Variants in NBEA observed in about 807,000 individuals in gnomAD.
NBEA encodes the protein lysosomal-trafficking regulator 2.
Under a neutral mutation model 343.4 loss-of-function variants are expected in NBEA, and 44 were observed. That is an observed-to-expected ratio of 0.13 (90% CI 0.10 to 0.16). The LOEUF is 0.16. Among genes scored for constraint, NBEA ranks in the 10% least tolerant of loss-of-function variants. The pLI is 1.00. For synonymous variants in NBEA, 1,175 were observed against 1,238.7 expected, an observed-to-expected ratio of 0.95 and a Z score of 1.08; for missense variants, 2,555 against 3,631.3, an observed-to-expected ratio of 0.70 and a Z score of 7.62.
At chr13:34,976,092 T>C (rs2060164395) in intron 1 of NBEA, among the ~76,000 whole-genome samples, 1 of 152,080 alleles carries the variant, frequency 6.6e-6, no homozygotes. Context: ...CAGAGGAAAA[T>C]AAGTCATTAT....
At chr13:35,360,565 CA>C (rs1226842055) in intron 38 of NBEA, among the ~76,000 whole-genome samples, 1 of 151,902 alleles carries the variant, frequency 6.6e-6, no homozygotes, top group Non-Finnish European at 1.5e-5. Context: ...TTGAAACTAT[CA>C]AAGACTTAAA....
chr13:34,993,324 T>A (rs914486297), intron 1 of NBEA, among the ~76,000 whole-genome samples: 5 of 152,244 alleles, frequency 3.3e-5, no homozygotes, highest in Non-Finnish European at 5.9e-5. Flanking sequence ...TTTTGTAGAA[T>A]TTCTCATTGT....
intron 47 of NBEA, among the ~76,000 whole-genome samples, chr13:35,600,250 C>A (rs2081988825): frequency 6.6e-6 from 1 of 152,126 alleles, no homozygotes; most frequent in African/African-American, 2.4e-5. Flanking sequence ...AACCAAATGC[C>A]TTTTTAAACA....
intron 41 of NBEA, among the ~76,000 whole-genome samples, chr13:35,527,378 C>G (rs1041531764): frequency 2.0e-5 from 3 of 152,186 alleles, no homozygotes; most frequent in Non-Finnish European, 4.4e-5. Flanking sequence ...TGGGGTTTCA[C>G]CAGGGACTCT....
chr13:35,304,703 C>T (rs540464401), intron 35 of NBEA, among the ~76,000 whole-genome samples: 2 of 152,170 alleles, frequency 1.3e-5, no homozygotes, highest in Admixed American at 1.3e-4. Flanking sequence ...TGATTCATCA[C>T]AGAAACTCTT....
In NBEA at chr13:35,550,892, C is replaced by T. The variant is rs118151478; in HGVS notation, c.6704-38C>T. 5,355 of 1,284,272 alleles carry T rather than the reference C, an allele frequency of 4.2e-3. 15 individuals carry two copies. The highest frequency in any genetic ancestry group is 5.1e-3 in the Non-Finnish European group (4,597 of 894,122). 79.6% of individuals were successfully genotyped at this position (1,284,272 alleles called of 1,614,324 possible). On this transcript the variant is annotated intron_variant, in intron 42 of 58. Transcript: ENST00000379939. ...TAAAATTGATGGCTAACTTATCCTG[C>T]GGTTTTCTAAACTCTGTTTTTTTTC...
At chr13:34,970,030 C>A (rs986897411) in intron 1 of NBEA, among the ~76,000 whole-genome samples, 35 of 152,136 alleles carry the variant, frequency 2.3e-4, no homozygotes, top group Admixed American at 6.6e-5. Flanking sequence ...ATAAGCATTT[C>A]TTTTTCTCCA....
At chr13:35,557,811 G>A (rs9574120) in intron 44 of NBEA, among the ~76,000 whole-genome samples, 42,588 of 151,918 alleles carry the variant, frequency 0.28, 6,654 homozygotes, top group East Asian at 0.42. Context: ...TTAGCAGAGG[G>A]GAGGCATTTT....
chr13:35,637,953 A>T (rs919823898), intron 49 of NBEA, among the ~76,000 whole-genome samples: 1 of 152,204 alleles, frequency 6.6e-6, no homozygotes, highest in Non-Finnish European at 1.5e-5. Context: ...GGAAATTCTG[A>T]CACATGCTAC....
intron 14 of NBEA, among the ~76,000 whole-genome samples, chr13:35,117,700 A>G (rs546689403): frequency 6.6e-6 from 1 of 152,140 alleles, no homozygotes; most frequent in African/African-American, 2.4e-5. Context: ...GGGATGTGAC[A>G]GAAATGGACA....
intron 36 of NBEA, among the ~76,000 whole-genome samples, chr13:35,319,109 T>C (rs1002037975): frequency 2.6e-5 from 4 of 152,196 alleles, no homozygotes; most frequent in African/African-American, 9.6e-5. Context: ...CCTACAGTTC[T>C]GCTCTGATCT....
At chr13:35,585,192 C>G (rs967637719) in intron 46 of NBEA, among the ~76,000 whole-genome samples, 4 of 132,804 alleles carry the variant, frequency 3.0e-5, no homozygotes, top group Non-Finnish European at 6.2e-5. Flanking sequence ...ATCTCTCTCC[C>G]TGCACAGTCA....
intron 39 of NBEA, among the ~76,000 whole-genome samples, chr13:35,435,474 G>T (rs1253477138): frequency 6.6e-6 from 1 of 151,916 alleles, no homozygotes; most frequent in Non-Finnish European, 1.5e-5. Flanking sequence ...GTAGTTAGGG[G>T]TAATAGGGTG....
intron 58 of NBEA, among the ~76,000 whole-genome samples, chr13:35,670,599 G>T (rs7981398): frequency 6.6e-6 from 1 of 152,326 alleles, no homozygotes; most frequent in East Asian, 1.9e-4. Flanking sequence ...GGACAGGCAC[G>T]TGTGTGATTG....
chr13:35,070,229 A>G (rs760667621), intron 9 of NBEA, 124 bp downstream of exon 9: 236 of 923,194 alleles, frequency 2.6e-4, no homozygotes, highest in Non-Finnish European at 3.1e-4. Context: ...GCTTTTGCAG[A>G]TCTTTTAAGT....
chr13:34,964,720 A>G (rs1207011512), intron 1 of NBEA, among the ~76,000 whole-genome samples: 2 of 151,942 alleles, frequency 1.3e-5, no homozygotes, highest in Non-Finnish European at 2.9e-5. Flanking sequence ...CTTAAATGAC[A>G]ATGGGCCACA....
chr13:35,159,798 A>C lies in NBEA; in HGVS notation c.3627A>C (p.Lys1209Asn), dbSNP rs374002994. Residue 1209 changes from lysine to asparagine, a missense_variant, in exon 22 of 59, where the codon AAA (lysine) becomes AAC (asparagine). Physicochemically the swap from Lys to Asn is moderately conservative, Grantham distance 94. This residue lies in a region of NBEA where 367 missense variants were observed against 377.5 expected (regional missense o/e 0.97). Coordinates refer to ENST00000379939, the MANE Select transcript of NBEA (RefSeq NM_001385012.1). ...TSSIIEEKEF[K>N]IHTTSDGMSS... Reference sequence around the variant, plus strand: ...GTATAATAGAAGAAAAAGAATTCAAAATCCATACAACTTCAGATGGAATGA... The same window carrying C: ...GTATAATAGAAGAAAAAGAATTCAACATCCATACAACTTCAGATGGAATGA... 6.2e-7 allele frequency: 1 copy of C among 1,611,930 alleles called. No individual in the cohort carries two copies. Among genetic ancestry groups the C allele is most frequent in the Non-Finnish European group, 8.5e-7 (1 of 1,179,040 alleles).
intron 34 of NBEA, among the ~76,000 whole-genome samples, chr13:35,264,068 AAGG>A (rs1173262881): frequency 1.3e-5 from 2 of 151,896 alleles, no homozygotes; most frequent in African/African-American, 4.8e-5. Context: ...AGAAATGAAA[AAGG>A]AGATATTACA....
intron 10 of NBEA, among the ~76,000 whole-genome samples, chr13:35,096,997 A>T (rs1343287591): frequency 3.3e-5 from 5 of 151,886 alleles, no homozygotes; most frequent in African/African-American, 1.2e-4. Flanking sequence ...GGATCAGTTA[A>T]TATAATTGAA....
Sources: gnomAD v4.1 joint callset for allele counts (sites outside exome capture counted in the v4.1 genomes callset) on GRCh38, gnomAD v4.1.1 for gene constraint, gnomAD v4.1.1 regional missense constraint, MANE v1.5 for transcripts, NCBI Gene and HGNC (gene_info 2026-07-23, HGNC 2026-07-21) for gene names.